Variants in RANBP2 observed in about 807,000 individuals in gnomAD.
The protein encoded by RANBP2 is E3 SUMO-protein ligase RanBP2.
In RANBP2, 57 loss-of-function variants were observed where a neutral mutation model predicts 303.6. That is an observed-to-expected ratio of 0.19 (90% confidence interval 0.15 to 0.23). The LOEUF is 0.23. Among genes scored for constraint, RANBP2 ranks in the 10% least tolerant of loss-of-function variants. The pLI, the probability that RANBP2 is intolerant of heterozygous loss-of-function variation, is 1.00. For missense variants in RANBP2, 3,138 were observed against 3,780.8 expected (o/e 0.83, Z 4.46); for synonymous variants, 1,167 against 1,301.5 (o/e 0.90, Z 2.23).
At chr2:109,721,546 T>C in the RANBP2 span, among the ~76,000 whole-genome samples, 4 of 151,860 alleles carry the variant, frequency 2.6e-5, no homozygotes, top group Non-Finnish European at 5.9e-5. Flanking sequence ...GGCCCAAAGA[T>C]AAAAAAAACA....
chr2:109,297,808 T>C, the RANBP2 span, among the ~76,000 whole-genome samples: 1 of 151,048 alleles, frequency 6.6e-6, no homozygotes, highest in Non-Finnish European at 1.5e-5. Context: ...CTCTCCCCAC[T>C]AGGTCAGTGC....
the RANBP2 span, among the ~76,000 whole-genome samples, chr2:109,138,609 A>G: frequency 2.2e-4 from 33 of 152,224 alleles, no homozygotes; most frequent in Non-Finnish European, 3.8e-4. Context: ...CTGCTGGTTC[A>G]TTCTAGTCTT....
chr2:108,760,829 G>C lies in RANBP2; in HGVS notation c.2603-1272G>C, dbSNP rs1019516407. Among the ~76,000 whole-genome samples the C allele has an allele frequency of 9.9e-5, 15 of 152,030 alleles. 1 individual carries two copies. Among genetic ancestry groups the C allele is most frequent in the Non-Finnish European group, 2.2e-4 (15 of 67,982 alleles). On this transcript the variant is annotated intron_variant, in intron 18 of 28. Coordinates refer to ENST00000283195, the MANE Select transcript of RANBP2 (RefSeq NM_006267.5). The stretch of plus-strand genomic sequence containing the variant: ...TTTTAAAGCCCGCGAACACATTTGT[G>C]TTCCTTGTGATCTCCTTTGCATGAA...
chr2:108,874,100 A>G, the RANBP2 span, among the ~76,000 whole-genome samples: 3 of 152,202 alleles, frequency 2.0e-5, no homozygotes, highest in African/African-American at 7.2e-5. Context: ...AGTTTTTAGC[A>G]ACCAAGTAAT....
At chr2:108,973,223 G>A in the RANBP2 span, among the ~76,000 whole-genome samples, 5 of 152,172 alleles carry the variant, frequency 3.3e-5, no homozygotes, top group African/African-American at 9.7e-5. Context: ...CCTGACATCA[G>A]GTGTTCTGCC....
At chr2:109,538,670 C>A in the RANBP2 span, among the ~76,000 whole-genome samples, 2 of 152,136 alleles carry the variant, frequency 1.3e-5, no homozygotes, top group Non-Finnish European at 2.9e-5. Flanking sequence ...AGGCATGCAC[C>A]AACACACCTG....
At chr2:108,722,491 CATCTGTG>C (rs1694341434) in intron 1 of RANBP2, among the ~76,000 whole-genome samples, 1 of 151,588 alleles carries the variant, frequency 6.6e-6, no homozygotes, top group Non-Finnish European at 1.5e-5. Flanking sequence ...AGAGGCTGGC[CATCTGTG>C]AACTGCCCAT....
chr2:109,385,678 C>A, the RANBP2 span, among the ~76,000 whole-genome samples: 2 of 152,340 alleles, frequency 1.3e-5, no homozygotes, highest in Admixed American at 1.3e-4. Flanking sequence ...GAGCACCCCA[C>A]ACAAGCTCTC....
At chr2:108,776,000 C>G in intron 24 of RANBP2, 64 bp downstream of exon 24, 1 of 1,405,380 alleles carries the variant, frequency 7.1e-7, no homozygotes, top group East Asian at 2.4e-5. Context: ...AGAAGATAGA[C>G]TTTTAAAGGC....
chr2:108,962,882 C>T, the RANBP2 span, among the ~76,000 whole-genome samples: 1 of 152,056 alleles, frequency 6.6e-6, no homozygotes, highest in East Asian at 1.9e-4. Context: ...ATGGTTTTGT[C>T]AAAGATCTAC....
chr2:109,487,387 G>C, the RANBP2 span, among the ~76,000 whole-genome samples: 11 of 152,176 alleles, frequency 7.2e-5, no homozygotes, highest in African/African-American at 2.7e-4. Context: ...TGGATTCCGT[G>C]AGCATGACGA....
the RANBP2 span, among the ~76,000 whole-genome samples, chr2:109,760,614 C>T: frequency 7.0e-6 from 1 of 142,300 alleles, no homozygotes; most frequent in Non-Finnish European, 1.5e-5. Flanking sequence ...CGCTCTGGCG[C>T]GGCTGGGATG....
At chr2:109,224,265 A>G in the RANBP2 span, among the ~76,000 whole-genome samples, 1 of 152,252 alleles carries the variant, frequency 6.6e-6, no homozygotes, top group Non-Finnish European at 1.5e-5. Flanking sequence ...TTTACCAAGC[A>G]TAGTAAAATA....
the RANBP2 span, among the ~76,000 whole-genome samples, chr2:109,489,729 G>C: frequency 0.24 from 30,762 of 130,850 alleles, 3,901 homozygotes; most frequent in Admixed American, 0.37. Flanking sequence ...GTCGGACAAG[G>C]TTTTTTTTGG....
At chr2:109,078,100 A>ATATATATATATATATATATATGGCG in the RANBP2 span, among the ~76,000 whole-genome samples, 263 of 69,954 alleles carry the variant, frequency 3.8e-3, 19 homozygotes, top group Non-Finnish European at 5.6e-3. Flanking sequence ...ATATATATAT[A>ATATATATATATATATATATATGGCG]TATATATATA....
the RANBP2 span, among the ~76,000 whole-genome samples, chr2:109,375,455 G>A: frequency 6.6e-6 from 1 of 152,106 alleles, no homozygotes. Flanking sequence ...GAGAGGAGTG[G>A]GCCTGGCCTC....
At chr2:108,911,076 T>C in the RANBP2 span, 1 of 1,614,058 alleles carries the variant, frequency 6.2e-7, no homozygotes, top group South Asian at 1.1e-5. Flanking sequence ...GAGAGTTCTG[T>C]GGGTGGAGAG....
chr2:108,983,462 A>G, the RANBP2 span, among the ~76,000 whole-genome samples: 1 of 152,180 alleles, frequency 6.6e-6, no homozygotes, highest in Admixed American at 6.5e-5. Context: ...AAAATCAGCC[A>G]ACTTAATAGA....
At chr2:108,969,108 A>G in the RANBP2 span, among the ~76,000 whole-genome samples, 12 of 152,268 alleles carry the variant, frequency 7.9e-5, no homozygotes, top group South Asian at 6.2e-4. Flanking sequence ...TCATGGTTTT[A>G]GCTCCTTGAG....
Sources: allele counts gnomAD v4.1 joint callset (sites outside exome capture counted in the v4.1 genomes callset), GRCh38; gene constraint gnomAD v4.1.1; transcripts MANE v1.5; gene names NCBI Gene and HGNC (gene_info 2026-07-23, HGNC 2026-07-21).